The following PTPRT variants were observed in gnomAD, a reference collection of about 807,000 sequenced individuals.
PTPRT encodes protein tyrosine phosphatase receptor type T.
Under a neutral mutation model 176.8 loss-of-function variants are expected in PTPRT, and 56 were observed. The observed-to-expected ratio is 0.32, with a 90% confidence interval of 0.26 to 0.40. The LOEUF (loss-of-function observed/expected upper bound fraction) is 0.40, where lower values mean the gene tolerates loss of function less well. Ranked by LOEUF, PTPRT falls within the 10% of genes least tolerant of loss-of-function variation. The pLI is 1.00. For missense variants in PTPRT, 1,540 were observed against 1,908.2 expected, an observed-to-expected ratio of 0.81 and a Z score of 3.60; for synonymous variants, 783 against 739.0, an observed-to-expected ratio of 1.06 and a Z score of -0.96.
At chr20:42,833,204 T>A (rs944905806) in intron 2 of PTPRT, among the ~76,000 whole-genome samples, 5 of 149,736 alleles carry the variant, frequency 3.3e-5, no homozygotes, top group Admixed American at 1.3e-4. Flanking sequence ...AGTAACCAAA[T>A]AGTCATGCAG....
At chr20:42,137,323 A>G (rs1347419000) in intron 18 of PTPRT, among the ~76,000 whole-genome samples, 2 of 152,160 alleles carry the variant, frequency 1.3e-5, no homozygotes, top group African/African-American at 4.8e-5. Context: ...CTGTGAAAAA[A>G]GTCCTCTGGG....
chr20:42,367,132 C>T (rs2058525702), intron 9 of PTPRT, among the ~76,000 whole-genome samples: 1 of 152,200 alleles, frequency 6.6e-6, no homozygotes. Flanking sequence ...ACCTGATTAA[C>T]AATGTGAACT....
At chr20:42,998,406 AC>A (rs1338113530) in intron 1 of PTPRT, among the ~76,000 whole-genome samples, 1 of 152,162 alleles carries the variant, frequency 6.6e-6, no homozygotes, top group African/African-American at 2.4e-5. Flanking sequence ...AATTAAATAA[AC>A]AAAACGACAT....
Position 42,608,986 on chromosome 20 carries a change from G to A in PTPRT, c.1153+68880C>T, listed in dbSNP as rs541407037. 3.3e-4 allele frequency among the ~76,000 whole-genome samples: 50 copies of A among 152,298 alleles called. 1 individual carries two copies. The highest frequency in any genetic ancestry group is 6.3e-4 in the Non-Finnish European group (43 of 68,012). ...AGCCATCACAGGGAAGGACGTCAGGGTTTGGTATAGGATTGAGTTTGAATA... is the reference window on the plus strand; with the variant it reads ...AGCCATCACAGGGAAGGACGTCAGGATTTGGTATAGGATTGAGTTTGAATA... On this transcript the variant is annotated intron_variant, in intron 7 of 30. Coordinates refer to ENST00000373187, the MANE Select transcript of PTPRT (RefSeq NM_007050.6).
intron 6 of PTPRT, among the ~76,000 whole-genome samples, chr20:42,682,894 C>T (rs949450926): frequency 4.6e-5 from 7 of 152,212 alleles, no homozygotes; most frequent in African/African-American, 1.7e-4. Context: ...CCTAGAAATT[C>T]CTACAGAGAG....
intron 2 of PTPRT, among the ~76,000 whole-genome samples, chr20:42,853,278 A>G (rs2078507012): frequency 6.6e-6 from 1 of 152,192 alleles, no homozygotes. Context: ...CAGAATATAT[A>G]AAGATATATA....
At chr20:42,633,817 AT>A (rs1279966466) in intron 7 of PTPRT, among the ~76,000 whole-genome samples, 1,464 of 69,318 alleles carry the variant, frequency 0.021, 41 homozygotes, top group Middle Eastern at 0.032. Context: ...ATATATATAT[AT>A]AATAAAATAT....
At chr20:43,138,348 G>A (rs758166731) in intron 1 of PTPRT, among the ~76,000 whole-genome samples, 36 of 152,214 alleles carry the variant, frequency 2.4e-4, no homozygotes, top group Non-Finnish European at 5.1e-4. Context: ...CCGGGCTGCC[G>A]GCGTGGCTCG....
intron 1 of PTPRT, among the ~76,000 whole-genome samples, chr20:43,096,877 C>T (rs1232006881): frequency 6.6e-6 from 1 of 152,172 alleles, no homozygotes; most frequent in African/African-American, 2.4e-5. Context: ...TTCCAGACAG[C>T]ATAAATCCAA....
chr20:42,931,340 A>C (rs531521260), intron 1 of PTPRT, among the ~76,000 whole-genome samples: 3 of 152,230 alleles, frequency 2.0e-5, no homozygotes, highest in African/African-American at 7.2e-5. Context: ...GTGAGGACAC[A>C]TGGAGAATCA....
At chr20:42,176,076 C>T (rs986503818) in intron 16 of PTPRT, among the ~76,000 whole-genome samples, 1 of 152,066 alleles carries the variant, frequency 6.6e-6, no homozygotes, top group African/African-American at 2.4e-5. Flanking sequence ...AGTATCTTAT[C>T]CTTCACCGGA....
At chr20:42,931,969 T>C (rs184686525) in intron 1 of PTPRT, among the ~76,000 whole-genome samples, 1 of 152,210 alleles carries the variant, frequency 6.6e-6, no homozygotes, top group South Asian at 2.1e-4. Context: ...CCATCCCAGT[T>C]TGCACATGCA....
At chr20:42,109,437 C>G (rs1333824814) in intron 23 of PTPRT, among the ~76,000 whole-genome samples, 1 of 151,844 alleles carries the variant, frequency 6.6e-6, no homozygotes, top group Non-Finnish European at 1.5e-5. Flanking sequence ...GATTCAAAGA[C>G]ATGCCACTCA....
chr20:42,776,042 C>T (rs1338057709), intron 4 of PTPRT, among the ~76,000 whole-genome samples: 1 of 152,272 alleles, frequency 6.6e-6, no homozygotes, highest in East Asian at 1.9e-4. Context: ...GCCCACAGGG[C>T]CCCTCACCAG....
intron 15 of PTPRT, among the ~76,000 whole-genome samples, chr20:42,220,421 G>T (rs978061219): frequency 6.6e-6 from 1 of 152,034 alleles, no homozygotes; most frequent in African/African-American, 2.4e-5. Context: ...TTCCAAAAAA[G>T]AACAGGGAGG....
At chr20:42,162,869 C>A (rs1187359244) in intron 16 of PTPRT, among the ~76,000 whole-genome samples, 2 of 152,236 alleles carry the variant, frequency 1.3e-5, no homozygotes, top group Non-Finnish European at 2.9e-5. Context: ...CACTCTACTT[C>A]TCGGCAGCAG....
At chr20:42,749,442 C>T (rs1201066284) in intron 6 of PTPRT, among the ~76,000 whole-genome samples, 1 of 151,962 alleles carries the variant, frequency 6.6e-6, no homozygotes, top group African/African-American at 2.4e-5. Context: ...CTTTAGCTCA[C>T]ACCTGAATGC....
intron 2 of PTPRT, among the ~76,000 whole-genome samples, chr20:42,864,686 T>C (rs919536711): frequency 6.6e-6 from 1 of 152,194 alleles, no homozygotes; most frequent in Non-Finnish European, 1.5e-5. Flanking sequence ...ACCTTGAACG[T>C]GTATATGCCT....
intron 7 of PTPRT, among the ~76,000 whole-genome samples, chr20:42,484,215 T>C (rs1015543492): frequency 5.5e-4 from 84 of 152,194 alleles, no homozygotes; most frequent in African/African-American, 1.9e-3. Flanking sequence ...AATTTTTTTT[T>C]CCCACAGATC....
Sources: gnomAD v4.1 joint callset for allele counts (sites outside exome capture counted in the v4.1 genomes callset) on GRCh38, gnomAD v4.1.1 for gene constraint, MANE v1.5 for transcripts, NCBI Gene and HGNC (gene_info 2026-07-23, HGNC 2026-07-21) for gene names.